NMNAT2: variants seen among roughly 807,000 people sequenced by gnomAD.
NMNAT2 encodes the protein nicotinamide nucleotide adenylyltransferase 2.
In NMNAT2, 11 loss-of-function variants were observed where a neutral mutation model predicts 41.6. That is an observed-to-expected ratio of 0.26 (90% CI 0.17 to 0.44). The LOEUF is 0.44. NMNAT2 is among the 20% of genes least tolerant of loss of function. The pLI is 1.00. For missense variants in NMNAT2, 288 were observed against 407.7 expected, an observed-to-expected ratio of 0.71 and a Z score of 2.53; for synonymous variants, 148 against 151.2, an observed-to-expected ratio of 0.98 and a Z score of 0.16.
At chr1:183,379,429 C>T (rs1377831946) in intron 1 of NMNAT2, among the ~76,000 whole-genome samples, 2 of 152,108 alleles carry the variant, frequency 1.3e-5, no homozygotes, top group Admixed American at 6.6e-5. Flanking sequence ...AATCCTCCCA[C>T]CTCAGCCTCC....
At chr1:183,341,748 C>CAAAAAAACAAAAAA (rs369432128) in intron 1 of NMNAT2, among the ~76,000 whole-genome samples, 1 of 79,794 alleles carries the variant, frequency 1.3e-5, no homozygotes, top group African/African-American at 4.4e-5. Context: ...AAAAAAAAAA[C>CAAAAAAACAAAAAA]CTGTTTCCTT....
At chr1:183,331,334 G>C (rs1295520000) in intron 1 of NMNAT2, among the ~76,000 whole-genome samples, 2 of 152,218 alleles carry the variant, frequency 1.3e-5, no homozygotes, top group Non-Finnish European at 2.9e-5. Context: ...GGGGACTTGA[G>C]GAGGAGACTG....
At chr1:183,269,051 T>C (rs886788287) in intron 8 of NMNAT2, among the ~76,000 whole-genome samples, 2 of 152,160 alleles carry the variant, frequency 1.3e-5, no homozygotes, top group African/African-American at 4.8e-5. Context: ...GCCTGGGTGA[T>C]AGAGTGTGAC....
intron 1 of NMNAT2, among the ~76,000 whole-genome samples, chr1:183,411,653 AG>A (rs1343661810): frequency 6.6e-6 from 1 of 152,216 alleles, no homozygotes; most frequent in Non-Finnish European, 1.5e-5. Context: ...CTGTCCTAGG[AG>A]CCTGAGATAC....
chr1:183,262,583 A>G (rs116039322), intron 8 of NMNAT2, among the ~76,000 whole-genome samples: 2,705 of 152,320 alleles, frequency 0.018, 95 homozygotes, highest in African/African-American at 0.061. Flanking sequence ...GCAATTATAC[A>G]TAACACTTTA....
chr1:183,280,827 C>G (rs1359154629), intron 7 of NMNAT2, among the ~76,000 whole-genome samples: 1 of 121,668 alleles, frequency 8.2e-6, no homozygotes, highest in Non-Finnish European at 1.6e-5. Context: ...TCTTGTTGCC[C>G]AGGCTGGAGT....
At position 183,269,817 on chromosome 1, in the gene NMNAT2, A is replaced by G. The variant is rs1660935937; in HGVS notation, c.652-8514T>C. On this transcript the variant is annotated intron_variant, in intron 8 of 10. Coordinates refer to ENST00000287713, the MANE Select transcript of NMNAT2 (RefSeq NM_015039.4). ...ATGGAATCCACCGTGGTCTGCCTTA[A>G]AGACTCTTTCCTCCACATCACACCT... is the stretch of plus-strand genomic sequence containing the variant. Among the ~76,000 whole-genome samples the G allele has an allele frequency of 2.0e-5, 3 of 152,172 alleles. No homozygotes were observed. In the South Asian group the frequency reaches 6.2e-4, roughly 32 times the overall value.
rs538117424 is a variant in NMNAT2 at position 183,268,559 on chromosome 1, G to A, written c.652-7256C>T. ...TCATATCCCATGGGGGAGGCAAACT[G>A]TCTTATGAGCTGAACTCCTCCAACC... On this transcript the variant is annotated intron_variant, in intron 8 of 10. Coordinates refer to ENST00000287713, the MANE Select transcript of NMNAT2 (RefSeq NM_015039.4). Among the ~76,000 whole-genome samples, 7 of 152,326 alleles carry A rather than the reference G, an allele frequency of 4.6e-5. No individual in the cohort carries two copies. The South Asian group carries it at 1.0e-3, about 23-fold the overall frequency.
chr1:183,375,632 G>T (rs1663661325), intron 1 of NMNAT2, among the ~76,000 whole-genome samples: 1 of 152,182 alleles, frequency 6.6e-6, no homozygotes, highest in African/African-American at 2.4e-5. Flanking sequence ...CCTGGAAGAA[G>T]TAGCTGCTCC....
chr1:183,257,187 A>G (rs946264564), intron 10 of NMNAT2, among the ~76,000 whole-genome samples: 3 of 152,066 alleles, frequency 2.0e-5, no homozygotes, highest in African/African-American at 7.2e-5. Context: ...TCATGCCTGT[A>G]ATACCAGCAC....
chr1:183,379,015 C>T (rs1046003722), intron 1 of NMNAT2, among the ~76,000 whole-genome samples: 2 of 150,534 alleles, frequency 1.3e-5, no homozygotes, highest in Non-Finnish European at 3.0e-5. Flanking sequence ...TGCACTCCAG[C>T]CTGGGTGACA....
intron 10 of NMNAT2, among the ~76,000 whole-genome samples, chr1:183,257,622 A>T (rs905962366): frequency 6.6e-6 from 1 of 152,270 alleles, no homozygotes; most frequent in Non-Finnish European, 1.5e-5. Flanking sequence ...AAAGGAATTT[A>T]TCCCTGCCCT....
In NMNAT2 at chr1:183,293,554, G is replaced by A. The variant is rs1420488515; in HGVS notation, c.174+151C>T. The A allele has an allele frequency of 1.4e-5, 9 of 639,648 alleles. No homozygotes were observed. The Admixed American group carries it at 2.1e-4, about 15-fold the overall frequency. The allele number at this position is 639,648 out of a possible 1,614,324, so 39.6% of individuals were successfully genotyped here. A position where few individuals can be genotyped will look rare whatever the true frequency, so the allele number is the denominator to read the frequency against. ...TCAGGTCCGACTGTGGTCCTGAGAT[G>A]GGAAGCAGGATAGACGCATGGACCT... On this transcript the variant is annotated intron_variant, in intron 2 of 10. Transcript: ENST00000287713.
intron 4 of NMNAT2, among the ~76,000 whole-genome samples, chr1:183,287,259 A>T (rs760556949): frequency 6.6e-6 from 1 of 152,092 alleles, no homozygotes; most frequent in Non-Finnish European, 1.5e-5. Context: ...ATGGGGCTCA[A>T]ATGAGATCAT....
chr1:183,417,294 C>A (rs906612634), intron 1 of NMNAT2, among the ~76,000 whole-genome samples: 2 of 152,150 alleles, frequency 1.3e-5, no homozygotes, highest in African/African-American at 4.8e-5. Flanking sequence ...GACTCCACGC[C>A]CCAAAGCTTC....
At chr1:183,390,514 A>G (rs527435670) in intron 1 of NMNAT2, among the ~76,000 whole-genome samples, 1 of 152,282 alleles carries the variant, frequency 6.6e-6, no homozygotes, top group East Asian at 1.9e-4. Flanking sequence ...TGGCTGCTTG[A>G]TTCTGATGGT....
At chr1:183,263,738 G>A (rs991283792) in intron 8 of NMNAT2, among the ~76,000 whole-genome samples, 24 of 152,218 alleles carry the variant, frequency 1.6e-4, no homozygotes, top group African/African-American at 5.3e-4. Context: ...AACCTGAGGG[G>A]CGGAGCTTGC....
chr1:183,370,594 G>A lies in NMNAT2; in HGVS notation c.85+47589C>T, dbSNP rs6663439. Among the ~76,000 whole-genome samples, 1,444 of 152,318 alleles carry A rather than the reference G, an allele frequency of 9.5e-3. 21 individuals carry two copies. Among genetic ancestry groups the A allele is most frequent in the African/African-American group, 0.033 (1,379 of 41,554 alleles). ...ATGCCCTGGAGCCCAGCCAGCCTAGGAGTGCTCTCCATATCAGGTGTGCTC... is the reference window on the plus strand; with the variant it reads ...ATGCCCTGGAGCCCAGCCAGCCTAGAAGTGCTCTCCATATCAGGTGTGCTC... On this transcript the variant is annotated intron_variant, in intron 1 of 10. Coordinates refer to ENST00000287713, the MANE Select transcript of NMNAT2 (RefSeq NM_015039.4).
intron 1 of NMNAT2, among the ~76,000 whole-genome samples, chr1:183,328,837 T>C (rs943609008): frequency 5.3e-5 from 8 of 152,304 alleles, no homozygotes; most frequent in African/African-American, 1.9e-4. Flanking sequence ...CAACATCAGT[T>C]GATTGGACTA....
Sources: allele counts gnomAD v4.1 joint callset (sites outside exome capture counted in the v4.1 genomes callset), GRCh38; gene constraint gnomAD v4.1.1; transcripts MANE v1.5; gene names NCBI Gene and HGNC (gene_info 2026-07-23, HGNC 2026-07-21).